CNTN4: variants seen among roughly 807,000 people sequenced by gnomAD.
CNTN4 encodes contactin 4.
CNTN4 carries 77 observed loss-of-function variants against 122.5 expected under a neutral mutation model. The ratio of observed to expected loss-of-function variants is 0.63; its 90% CI spans 0.52 to 0.76. CNTN4 has a LOEUF of 0.76. Ranked by LOEUF, CNTN4 falls within the 30% of genes least tolerant of loss-of-function variation. CNTN4 has a pLI of 0.00. For synonymous variants in CNTN4, 512 were observed against 447.0 expected (o/e 1.15, Z -1.83); for missense variants, 1,256 against 1,259.1 (o/e 1.00, Z 0.04).
At chr3:2,611,868 T>C (rs186435645) in intron 4 of CNTN4, among the ~76,000 whole-genome samples, 1 of 152,280 alleles carries the variant, frequency 6.6e-6, no homozygotes, top group Admixed American at 6.5e-5. Context: ...TTTTAATCAC[T>C]TTTTTAAATG....
At chr3:2,515,728 A>G (rs1333433390) in intron 3 of CNTN4, among the ~76,000 whole-genome samples, 2 of 152,168 alleles carry the variant, frequency 1.3e-5, no homozygotes, top group Admixed American at 1.3e-4. Context: ...TACTCGAACC[A>G]ACTTGTGAAT....
chr3:2,567,366 A>G (rs537204653), intron 3 of CNTN4, among the ~76,000 whole-genome samples: 2 of 151,684 alleles, frequency 1.3e-5, no homozygotes, highest in South Asian at 2.1e-4. Flanking sequence ...GATTACAGGC[A>G]TGAGCCACCG....
At chr3:2,421,261 T>TC (rs1358529487) in intron 3 of CNTN4, among the ~76,000 whole-genome samples, 1 of 150,424 alleles carries the variant, frequency 6.6e-6, no homozygotes, top group East Asian at 1.9e-4. Context: ...CTTTTTTTTT[T>TC]TTTTTCCTTG....
At chr3:2,226,702 A>C (rs1454041245) in intron 2 of CNTN4, among the ~76,000 whole-genome samples, 2 of 152,144 alleles carry the variant, frequency 1.3e-5, no homozygotes, top group African/African-American at 4.8e-5. Flanking sequence ...TAAGTTTATT[A>C]AAACTTTCTT....
chr3:2,394,027 T>C (rs887571191), intron 3 of CNTN4, among the ~76,000 whole-genome samples: 4 of 152,144 alleles, frequency 2.6e-5, no homozygotes, highest in African/African-American at 7.2e-5. Context: ...ATAAGAAAAG[T>C]AAGACTCCAA....
chr3:2,120,727 T>C (rs2033714906), intron 2 of CNTN4, among the ~76,000 whole-genome samples: 1 of 152,022 alleles, frequency 6.6e-6, no homozygotes, highest in East Asian at 1.9e-4. Context: ...TAAGTATGCA[T>C]GTGACTCTCA....
chr3:2,186,058 C>T (rs1464004113), intron 2 of CNTN4, among the ~76,000 whole-genome samples: 1 of 152,066 alleles, frequency 6.6e-6, no homozygotes, highest in Non-Finnish European at 1.5e-5. Context: ...TTAGGTATGT[C>T]TTCTAATGCT....
chr3:2,504,125 T>C (rs1430153532), intron 3 of CNTN4, among the ~76,000 whole-genome samples: 1 of 152,124 alleles, frequency 6.6e-6, no homozygotes, highest in Non-Finnish European at 1.5e-5. Context: ...GCTTCCTTAA[T>C]AGAGAGTGCA....
chr3:2,654,536 C>G (rs1038889577), intron 4 of CNTN4, among the ~76,000 whole-genome samples: 1 of 152,070 alleles, frequency 6.6e-6, no homozygotes. Context: ...TAAGGCCAAC[C>G]CAAGGGTATT....
intron 3 of CNTN4, among the ~76,000 whole-genome samples, chr3:2,539,228 A>C (rs1206606688): frequency 2.0e-5 from 3 of 152,134 alleles, no homozygotes; most frequent in Non-Finnish European, 2.9e-5. Context: ...AGCAGTATAC[A>C]AAACAGTAAT....
chr3:2,172,285 A>G (rs927956632), intron 2 of CNTN4, among the ~76,000 whole-genome samples: 15 of 152,168 alleles, frequency 9.9e-5, no homozygotes, highest in African/African-American at 3.6e-4. Context: ...ATTATTCTAA[A>G]TGAAGTAACT....
rs373261684 is a variant in CNTN4 at position 2,176,738 on chromosome 3, A to G, written c.-145+76099A>G. Among the ~76,000 whole-genome samples, 58 of 152,258 alleles carry G rather than the reference A, an allele frequency of 3.8e-4. 1 individual carries two copies. The South Asian group carries it at 3.9e-3, about 10-fold the overall frequency. On this transcript the variant is annotated intron_variant, in intron 2 of 24. Transcript: ENST00000418658. ...CTAATTTCAGCGGTTAAATTTTAAGATATTTGATATAGCTTAGGAGATTGA... is the reference window on the plus strand; with the variant it reads ...CTAATTTCAGCGGTTAAATTTTAAGGTATTTGATATAGCTTAGGAGATTGA...
At chr3:2,629,011 A>G (rs577209543) in intron 4 of CNTN4, among the ~76,000 whole-genome samples, 80 of 152,298 alleles carry the variant, frequency 5.3e-4, no homozygotes, top group African/African-American at 1.7e-3. Context: ...AATTTGGTCA[A>G]TTGTCCATAG....
intron 3 of CNTN4, among the ~76,000 whole-genome samples, chr3:2,484,243 A>G (rs2076083711): frequency 6.6e-6 from 1 of 152,244 alleles, no homozygotes; most frequent in Non-Finnish European, 1.5e-5. Flanking sequence ...GAAAATAACT[A>G]TGAGATACTA....
At chr3:2,473,869 A>G (rs2075764395) in intron 3 of CNTN4, among the ~76,000 whole-genome samples, 1 of 151,996 alleles carries the variant, frequency 6.6e-6, no homozygotes, top group Admixed American at 6.5e-5. Context: ...AAAATTAGCC[A>G]GGTGTGGTGG....
intron 3 of CNTN4, among the ~76,000 whole-genome samples, chr3:2,564,593 G>A (rs574859349): frequency 1.1e-4 from 17 of 152,160 alleles, no homozygotes; most frequent in East Asian, 1.9e-4. Flanking sequence ...GCCCAGTCCC[G>A]TCTTCTATTC....
intron 13 of CNTN4, among the ~76,000 whole-genome samples, chr3:2,981,880 A>G: frequency 6.6e-6 from 1 of 152,024 alleles, no homozygotes; most frequent in East Asian, 1.9e-4. Context: ...CCCCATCTCT[A>G]CTAAAAATAC....
At chr3:2,471,435 T>G (rs959635484) in intron 3 of CNTN4, among the ~76,000 whole-genome samples, 5 of 152,254 alleles carry the variant, frequency 3.3e-5, no homozygotes, top group Non-Finnish European at 7.3e-5. Flanking sequence ...TGCCTTTTAT[T>G]TTCCCTAAAA....
rs2046211804 is a variant in CNTN4, at chr3:2,385,366, A to AG, written c.-89+46134dup. 6.6e-6 allele frequency among the ~76,000 whole-genome samples: 1 copy of AG among 152,142 alleles called. No homozygotes were observed. Among genetic ancestry groups the AG allele is most frequent in the Admixed American group, 6.6e-5 (1 of 15,250 alleles). On this transcript the variant is annotated intron_variant, in intron 3 of 24. Transcript: ENST00000418658. This position sits in a 1 kb window ranked among gnomAD's most constrained non-coding sequence, Gnocchi z 4.0. ...CTCTTGTTGCACTGAATAACCTATTAGCATACTTAAGGCAGAGTCTTTGTC... is the reference window on the plus strand; with the variant it reads ...CTCTTGTTGCACTGAATAACCTATTAGGCATACTTAAGGCAGAGTCTTTGTC...
Sources: gnomAD v4.1 joint callset for allele counts (sites outside exome capture counted in the v4.1 genomes callset) on GRCh38, gnomAD v4.1.1 for gene constraint, Gnocchi (gnomAD v3.1) non-coding constraint, MANE v1.5 for transcripts, NCBI Gene and HGNC (gene_info 2026-07-23, HGNC 2026-07-21) for gene names.